STK32C: variants seen among roughly 807,000 people sequenced by gnomAD.
STK32C encodes serine/threonine-protein kinase 32C.
Under a neutral mutation model 56.5 loss-of-function variants are expected in STK32C, and 31 were observed. The ratio of observed to expected loss-of-function variants is 0.55; its 90% CI spans 0.41 to 0.74. The LOEUF is 0.74. Ranked by LOEUF, STK32C falls within the 30% of genes least tolerant of loss-of-function variation. STK32C has a pLI of 0.00. For missense variants in STK32C, 544 were observed against 676.9 expected (o/e 0.80, Z 2.18); for synonymous variants, 309 against 289.4 (o/e 1.07, Z -0.69).
At chr10:132,267,909 G>A (rs2064628621) in intron 1 of STK32C, among the ~76,000 whole-genome samples, 1 of 147,618 alleles carries the variant, frequency 6.8e-6, no homozygotes, top group South Asian at 2.2e-4. Context: ...GTGTGTGTGT[G>A]TGTCAGTGCG....
intron 2 of STK32C, among the ~76,000 whole-genome samples, chr10:132,237,175 T>TG (rs1298577798): frequency 6.6e-6 from 1 of 150,926 alleles, no homozygotes; most frequent in African/African-American, 2.4e-5. Context: ...TCCCACTCCC[T>TG]GACTGTGCTC....
At chr10:132,241,017 C>T (rs1447544694) in intron 2 of STK32C, among the ~76,000 whole-genome samples, 58 of 152,234 alleles carry the variant, frequency 3.8e-4, no homozygotes, top group Admixed American at 3.5e-3. Flanking sequence ...AGTGGAAATC[C>T]GGCCTCTGCC....
intron 1 of STK32C, among the ~76,000 whole-genome samples, chr10:132,272,191 T>A (rs1457996430): frequency 6.6e-6 from 1 of 152,176 alleles, no homozygotes; most frequent in Admixed American, 6.5e-5. Flanking sequence ...CAAGGTCACG[T>A]GGGTGGGCCC....
Position 132,315,467 on chromosome 10 carries a change from C to T in STK32C, c.301+15969G>A, listed in dbSNP as rs549460591. On this transcript the variant is annotated intron_variant, in intron 1 of 3. Coordinates refer to the STK32C transcript ENST00000368620. ...ACCTGCACATTCTACACATGTATCC[C>T]AGAACTTAAAAGTAAAATAAATAAA... 5.3e-5 allele frequency among the ~76,000 whole-genome samples: 8 copies of T among 151,946 alleles called. No individual in the cohort carries two copies. The South Asian group carries it at 1.7e-3, about 32-fold the overall frequency.
chr10:132,321,977 A>G (rs2066417510), downstream of STK32C, among the ~76,000 whole-genome samples: 1 of 152,056 alleles, frequency 6.6e-6, no homozygotes, highest in Non-Finnish European at 1.5e-5. Flanking sequence ...TGAGAATTCA[A>G]CCCTGCACAG....
intron 1 of STK32C, among the ~76,000 whole-genome samples, chr10:132,254,389 T>C (rs2064029851): frequency 6.6e-6 from 1 of 152,106 alleles, no homozygotes; most frequent in African/African-American, 2.4e-5. Flanking sequence ...ATACTCCCAA[T>C]GAGGACAGCA....
At chr10:132,265,416 C>G (rs2064484833) in intron 1 of STK32C, among the ~76,000 whole-genome samples, 1 of 152,120 alleles carries the variant, frequency 6.6e-6, no homozygotes. Flanking sequence ...GCTTCTGGAA[C>G]TAGGGCAGAA....
At chr10:132,221,437 C>T (rs1336870851) in intron 10 of STK32C, among the ~76,000 whole-genome samples, 2 of 138,122 alleles carry the variant, frequency 1.4e-5, no homozygotes, top group East Asian at 2.3e-4. Context: ...TTCACGTGGC[C>T]ATCCCTGCAC....
upstream of STK32C, chr10:132,332,049 A>C (rs2066792441): frequency 1.9e-4 from 44 of 235,030 alleles, no homozygotes; most frequent in Non-Finnish European, 2.1e-4. Flanking sequence ...CGCAGGCACA[A>C]ACCCCCACAA....
intron 1 of STK32C, among the ~76,000 whole-genome samples, chr10:132,252,682 C>A (rs1199698358): frequency 6.6e-6 from 1 of 152,258 alleles, no homozygotes; most frequent in Non-Finnish European, 1.5e-5. Flanking sequence ...CCCACCAGCA[C>A]CTGCCCTCAT....
At chr10:132,267,389 G>A (rs1251099269) in intron 1 of STK32C, among the ~76,000 whole-genome samples, 1 of 152,236 alleles carries the variant, frequency 6.6e-6, no homozygotes, top group Admixed American at 6.6e-5. Context: ...ATGTGTGTCT[G>A]TATGCATGTG....
At chr10:132,293,710 C>T (rs1010484583) in intron 1 of STK32C, among the ~76,000 whole-genome samples, 2 of 152,134 alleles carry the variant, frequency 1.3e-5, no homozygotes, top group Admixed American at 6.5e-5. Flanking sequence ...CACAGCCAGG[C>T]ACGTGGTGAG....
intron 3 of STK32C, 33 bp downstream of exon 3, chr10:132,227,944 A>G: frequency 6.2e-7 from 1 of 1,608,642 alleles, no homozygotes; most frequent in Non-Finnish European, 8.5e-7. Flanking sequence ...CAGGACGGTA[A>G]GTCTTTCTGC....
At chr10:132,324,269 C>G (rs767373536) in exon 2 of STK32C, 3 of 779,728 alleles carry the variant, frequency 3.8e-6, no homozygotes, top group Admixed American at 3.4e-5. Flanking sequence ...CAGAACACAC[C>G]CCCAGCTTTT....
chr10:132,240,858 C>T (rs1054122476), intron 2 of STK32C, among the ~76,000 whole-genome samples: 2 of 151,316 alleles, frequency 1.3e-5, no homozygotes, highest in African/African-American at 2.4e-5. Flanking sequence ...AACAGCCAGC[C>T]GTGCCACCGA....
At chr10:132,223,818 G>A (rs2062773685) in intron 8 of STK32C, among the ~76,000 whole-genome samples, 1 of 152,204 alleles carries the variant, frequency 6.6e-6, no homozygotes, top group Admixed American at 6.5e-5. Context: ...CCCCTATGGT[G>A]TTAATGCGAG....
At chr10:132,233,952 C>T (rs547573794) in intron 2 of STK32C, among the ~76,000 whole-genome samples, 1 of 152,340 alleles carries the variant, frequency 6.6e-6, no homozygotes, top group African/African-American at 2.4e-5. Flanking sequence ...GCTGGGGCGC[C>T]GTCTGAGTCC....
intron 10 of STK32C, among the ~76,000 whole-genome samples, chr10:132,221,487 G>A (rs147370408): frequency 0.047 from 6,749 of 143,740 alleles, 209 homozygotes; most frequent in Non-Finnish European, 0.069. Flanking sequence ...GTGAGTGTGA[G>A]GGCTTCACGT....
intron 2 of STK32C, among the ~76,000 whole-genome samples, chr10:132,236,462 T>C (rs2063299334): frequency 6.6e-6 from 1 of 152,198 alleles, no homozygotes; most frequent in Non-Finnish European, 1.5e-5. Flanking sequence ...CCACACACAC[T>C]GGGCAGCTGT....
Sources: allele counts gnomAD v4.1 joint callset (sites outside exome capture counted in the v4.1 genomes callset), GRCh38; gene constraint gnomAD v4.1.1; transcripts MANE v1.5; gene names NCBI Gene and HGNC (gene_info 2026-07-23, HGNC 2026-07-21).